The following SLC8A1 variants were observed in gnomAD, a reference collection of about 807,000 sequenced individuals.
SLC8A1 encodes sodium/calcium exchanger 1.
In SLC8A1, 18 loss-of-function variants were observed where a neutral mutation model predicts 68.3. The observed-to-expected ratio is 0.26, with a 90% CI of 0.18 to 0.39. The LOEUF is 0.39. Ranked by LOEUF, SLC8A1 falls within the 10% of genes least tolerant of loss-of-function variation. SLC8A1 has a pLI of 1.00. For synonymous variants in SLC8A1, 475 were observed against 415.5 expected (o/e 1.14, Z -1.74); for missense variants, 985 against 1,156.7 (o/e 0.85, Z 2.15).
intron 2 of SLC8A1, among the ~76,000 whole-genome samples, chr2:40,296,059 T>G (rs979347094): frequency 6.6e-6 from 1 of 152,230 alleles, no homozygotes; most frequent in Non-Finnish European, 1.5e-5. Flanking sequence ...TGCTCTTGGG[T>G]TTTTGGCTAC....
Position 40,333,393 on chromosome 2 carries a change from G to A in SLC8A1, c.1808+95080C>T, listed in dbSNP as rs530939301. The stretch of plus-strand genomic sequence containing the variant: ...GTGGAGGTTGCAGTGGGCCGAGATC[G>A]CACCACTGCACTCCAGCCTGGGCAA... On this transcript the variant is annotated intron_variant, in intron 2 of 7. Transcript: ENST00000406785. Among the ~76,000 whole-genome samples the A allele has an allele frequency of 2.5e-4, 33 of 134,072 alleles. No homozygotes were observed. The Middle Eastern group carries it at 0.024, about 96-fold the overall frequency. The allele number at this position is 134,072 out of a possible 152,430, so 88.0% of individuals were successfully genotyped here.
chr2:40,142,205 C>T (rs1222341246), intron 6 of SLC8A1, among the ~76,000 whole-genome samples: 1 of 152,102 alleles, frequency 6.6e-6, no homozygotes, highest in Admixed American at 6.6e-5. Context: ...TTCCTTACCA[C>T]TTCTCTTTTA....
chr2:40,182,330 C>T (rs1205986511), intron 2 of SLC8A1, among the ~76,000 whole-genome samples: 1 of 151,694 alleles, frequency 6.6e-6, no homozygotes, highest in African/African-American at 2.4e-5. Flanking sequence ...CAGGAAAACT[C>T]ACTTCTTTTT....
At chr2:40,201,885 C>T (rs1203150730) in intron 2 of SLC8A1, among the ~76,000 whole-genome samples, 1 of 151,928 alleles carries the variant, frequency 6.6e-6, no homozygotes, top group Non-Finnish European at 1.5e-5. Context: ...AAGATTTTCT[C>T]AGAGCATTCT....
chr2:40,225,798 C>G (rs1162033106), intron 2 of SLC8A1, among the ~76,000 whole-genome samples: 2 of 152,272 alleles, frequency 1.3e-5, no homozygotes, highest in East Asian at 1.9e-4. Context: ...AAGCATCACA[C>G]TTTACCTTGG....
intron 2 of SLC8A1, among the ~76,000 whole-genome samples, chr2:40,192,250 A>G (rs529087481): frequency 6.6e-6 from 1 of 152,208 alleles, no homozygotes; most frequent in East Asian, 1.9e-4. Context: ...GTAATTCAAA[A>G]ATATATATGG....
intron 2 of SLC8A1, among the ~76,000 whole-genome samples, chr2:40,248,801 A>C (rs1376659535): frequency 6.6e-6 from 1 of 152,156 alleles, no homozygotes; most frequent in Admixed American, 6.5e-5. Context: ...CTGGCTGTTG[A>C]TAGCCAAGAT....
intron 2 of SLC8A1, among the ~76,000 whole-genome samples, chr2:40,293,909 A>G (rs1427102716): frequency 6.6e-6 from 1 of 152,186 alleles, no homozygotes; most frequent in Non-Finnish European, 1.5e-5. Context: ...ATGTTATTTT[A>G]GAAACAGCAT....
intron 2 of SLC8A1, among the ~76,000 whole-genome samples, chr2:40,341,671 T>C (rs925736055): frequency 3.9e-5 from 6 of 152,202 alleles, no homozygotes; most frequent in African/African-American, 1.4e-4. Flanking sequence ...TTGCAGTTAA[T>C]GTACCTGCTT....
At chr2:40,220,837 T>G (rs2058222273) in intron 2 of SLC8A1, among the ~76,000 whole-genome samples, 1 of 151,852 alleles carries the variant, frequency 6.6e-6, no homozygotes, top group East Asian at 1.9e-4. Context: ...AAGAGCTTAG[T>G]AAAAGCCCAC....
chr2:40,314,975 T>C (rs978020794), intron 2 of SLC8A1, among the ~76,000 whole-genome samples: 2 of 152,022 alleles, frequency 1.3e-5, no homozygotes, highest in African/African-American at 4.8e-5. Flanking sequence ...AATCTGGATG[T>C]AATTTTTTTT....
intron 2 of SLC8A1, among the ~76,000 whole-genome samples, chr2:40,331,203 C>T (rs1041943597): frequency 6.6e-6 from 1 of 152,124 alleles, no homozygotes; most frequent in Admixed American, 6.6e-5. Flanking sequence ...GTGTGCTAAG[C>T]TTAGTGTCTG....
At chr2:40,335,721 C>A (rs1292078878) in intron 2 of SLC8A1, among the ~76,000 whole-genome samples, 1 of 152,218 alleles carries the variant, frequency 6.6e-6, no homozygotes, top group Non-Finnish European at 1.5e-5. Context: ...GATCATGAAA[C>A]TGACAAGTGA....
chr2:40,213,761 G>C (rs1373147153), intron 2 of SLC8A1, among the ~76,000 whole-genome samples: 1 of 152,176 alleles, frequency 6.6e-6, no homozygotes, highest in Non-Finnish European at 1.5e-5. Flanking sequence ...ACAGAAACTA[G>C]AGCTGCATCA....
intron 2 of SLC8A1, among the ~76,000 whole-genome samples, chr2:40,376,623 C>G (rs1679966365): frequency 6.8e-6 from 1 of 147,500 alleles, no homozygotes; most frequent in African/African-American, 2.4e-5. Context: ...AAAGTTCACG[C>G]TGTGGCAGAT....
At chr2:40,213,099 T>C (rs1385816082) in intron 2 of SLC8A1, 1 of 152,220 alleles carries the variant, frequency 6.6e-6, no homozygotes, top group African/African-American at 2.4e-5. Context: ...AAGTTGTCTC[T>C]TCTCTGTAGG....
chr2:40,152,452 T>G (rs1325626585), intron 6 of SLC8A1, among the ~76,000 whole-genome samples: 1 of 152,156 alleles, frequency 6.6e-6, no homozygotes, highest in Non-Finnish European at 1.5e-5. Flanking sequence ...TTGCCCAGGC[T>G]GGAGTGCAGT....
rs562624876 is a variant in SLC8A1, at chr2:40,494,773, C to T, written c.-25+17576G>A. Among the ~76,000 whole-genome samples the T allele has an allele frequency of 1.9e-3, 286 of 149,018 alleles. 2 individuals carry two copies. Among genetic ancestry groups the T allele is most frequent in the African/African-American group, 6.8e-3 (274 of 40,296 alleles). ...TATCATTCATTAATGGATGTAATTT[C>T]TGTCAGCTATTGGCAGAGCTGGCAT... is the stretch of plus-strand genomic sequence containing the variant. On this transcript the variant is annotated intron_variant, in intron 1 of 7. Transcript: ENST00000402441.
chr2:40,421,388 A>G (rs568134128), intron 2 of SLC8A1, among the ~76,000 whole-genome samples: 1 of 152,300 alleles, frequency 6.6e-6, no homozygotes, highest in East Asian at 1.9e-4. Flanking sequence ...GCCCATCTTT[A>G]TCTCAGGAAA....
Sources: gnomAD v4.1 joint callset for allele counts (sites outside exome capture counted in the v4.1 genomes callset) on GRCh38, gnomAD v4.1.1 for gene constraint, MANE v1.5 for transcripts, NCBI Gene and HGNC (gene_info 2026-07-23, HGNC 2026-07-21) for gene names.